The following SAP130 variants were observed in gnomAD, a reference collection of about 807,000 sequenced individuals.
SAP130 encodes Sin3A associated protein 130.
In SAP130, 16 loss-of-function variants were observed where a neutral mutation model predicts 103.2. The observed-to-expected ratio is 0.16, with a 90% CI of 0.10 to 0.24. SAP130 has a LOEUF of 0.24. Ranked by LOEUF, SAP130 falls within the 10% of genes least tolerant of loss-of-function variation. The pLI is 1.00. For synonymous variants in SAP130, 477 were observed against 497.0 expected (o/e 0.96, Z 0.53); for missense variants, 990 against 1,359.7 (o/e 0.73, Z 4.28).
At chr2:127,943,774 C>G (rs1287486491) in intron 19 of SAP130, among the ~76,000 whole-genome samples, 1 of 152,218 alleles carries the variant, frequency 6.6e-6, no homozygotes, top group Non-Finnish European at 1.5e-5. Flanking sequence ...AGGTCTAAGA[C>G]ATCACTGTAC....
chr2:128,005,645 T>C (rs979867852), intron 7 of SAP130, among the ~76,000 whole-genome samples: 1 of 151,224 alleles, frequency 6.6e-6, no homozygotes, highest in Admixed American at 6.6e-5. Flanking sequence ...ATATAGTTTT[T>C]CTTTCTTTTT....
chr2:127,982,394 T>G (rs776061395), intron 14 of SAP130, among the ~76,000 whole-genome samples: 1 of 152,148 alleles, frequency 6.6e-6, no homozygotes, highest in Non-Finnish European at 1.5e-5. Context: ...CCATAGAGCT[T>G]GTCTAGAGGA....
At position 127,996,631 on chromosome 2, in the gene SAP130, TAAGTACAAAGTTC is replaced by T; in HGVS notation, c.1214-153_1214-141del. Reference sequence around the variant, plus strand: ...TTTAATCAAAATAAAAAATGAAAAATAAGTACAAAGTTCAACAGAATTATTTCAATCCTATCAT... The same window carrying T: ...TTTAATCAAAATAAAAAATGAAAAATAACAGAATTATTTCAATCCTATCAT... On this transcript the variant is annotated intron_variant, in intron 10 of 20. Coordinates refer to ENST00000643581, the MANE Select transcript of SAP130 (RefSeq NM_001330301.2). This position sits in a 1 kb window ranked among gnomAD's most constrained non-coding sequence, Gnocchi z 4.3. The T allele has an allele frequency of 1.3e-6, 1 of 752,850 alleles. No individual in the cohort carries two copies. The highest frequency in any genetic ancestry group is 2.0e-6 in the Non-Finnish European group (1 of 510,750). 46.6% of individuals were successfully genotyped at this position (752,850 alleles called of 1,614,324 possible). A position where few individuals can be genotyped will look rare whatever the true frequency, so the allele number is the denominator to read the frequency against.
rs1166543664 is a variant in SAP130 at position 127,985,967 on chromosome 2, G to A, written c.1958+818C>T. On this transcript the variant is annotated intron_variant, in intron 14 of 20. Transcript: ENST00000643581. ...CCAGCAGGCCCCCGACCAGCAGAAC[G>A]ACGCAGTTTGGCCAGGGCAGTCAAG... is the stretch of plus-strand genomic sequence containing the variant. Among the ~76,000 whole-genome samples the A allele has an allele frequency of 3.9e-5, 6 of 152,166 alleles. No homozygotes were observed. The South Asian group carries it at 6.2e-4, about 16-fold the overall frequency.
chr2:127,948,467 G>C (rs1348681176), intron 18 of SAP130, among the ~76,000 whole-genome samples: 1 of 151,034 alleles, frequency 6.6e-6, no homozygotes, highest in East Asian at 2.0e-4. Context: ...AGCCTCCTGA[G>C]TAGCTGGGAT....
Position 127,989,570 on chromosome 2 carries a change from T to C in SAP130, c.1774A>G (p.Thr592Ala). The C allele has an allele frequency of 6.3e-7, 1 of 1,599,172 alleles. No homozygotes were observed. The highest frequency in any genetic ancestry group is 8.5e-7 in the Non-Finnish European group (1 of 1,170,872). Reference sequence around the variant, plus strand: ...TGCAAAAATTTAAAATTACCTGAAGTCTTTCCTTCAGGCTGAGGCTGCTGA... The same window carrying C: ...TGCAAAAATTTAAAATTACCTGAAGCCTTTCCTTCAGGCTGAGGCTGCTGA... ...GTQQPQPEGK[T>A]SAVVLADGAT... Residue 592 changes from threonine to alanine, a missense_variant, in exon 13 of 21, where the codon ACT (threonine) becomes GCT (alanine). This residue lies in a region of SAP130 where 349 missense variants were observed against 384.1 expected (regional missense o/e 0.91). Coordinates refer to ENST00000643581, the MANE Select transcript of SAP130 (RefSeq NM_001330301.2). The surrounding 1 kb of genome is among the most constrained non-coding windows in gnomAD (Gnocchi z 4.6).
intron 15 of SAP130, among the ~76,000 whole-genome samples, chr2:127,974,109 G>A (rs192989573): frequency 1.2e-3 from 180 of 152,284 alleles, no homozygotes; most frequent in Middle Eastern, 3.4e-3. Flanking sequence ...CATGAAGATA[G>A]TTAACGATTT....
chr2:128,008,656 C>A (rs1175000290), intron 7 of SAP130, among the ~76,000 whole-genome samples: 1 of 151,544 alleles, frequency 6.6e-6, no homozygotes, highest in Non-Finnish European at 1.5e-5. Context: ...CGGGCACGAG[C>A]CACTGCACCT....
At chr2:127,975,884 A>G (rs1477493500) in intron 15 of SAP130, among the ~76,000 whole-genome samples, 3 of 152,148 alleles carry the variant, frequency 2.0e-5, no homozygotes, top group African/African-American at 4.8e-5. Flanking sequence ...CGACACTGTC[A>G]CCCAGGCTGG....
chr2:127,944,433 A>AT (rs70985489), intron 19 of SAP130, among the ~76,000 whole-genome samples: 119,705 of 150,200 alleles, frequency 0.8, 48,594 homozygotes, highest in Middle Eastern at 0.88. Context: ...TGTCTCTACA[A>AT]TTTTTTTTTT....
At chr2:127,979,822 A>AAAAT (rs1387714403) in intron 14 of SAP130, among the ~76,000 whole-genome samples, 1 of 152,110 alleles carries the variant, frequency 6.6e-6, no homozygotes, top group Non-Finnish European at 1.5e-5. Flanking sequence ...CCAAGAGCTG[A>AAAAT]TAAGCTGAGA....
In SAP130 at chr2:127,964,648, CA is replaced by C. The variant is rs1033840966; in HGVS notation, c.2064-9305del. Among the ~76,000 whole-genome samples the C allele has an allele frequency of 2.4e-3, 364 of 149,702 alleles. 3 individuals carry two copies. Among genetic ancestry groups the C allele is most frequent in the African/African-American group, 7.7e-3 (314 of 40,860 alleles). ...TTAGGCTGAAAAACTAGAAAACAAA[CA>C]AAAAAAAATAAAGGAAACAATAAAT... On this transcript the variant is annotated intron_variant, in intron 15 of 20. Coordinates refer to ENST00000643581, the MANE Select transcript of SAP130 (RefSeq NM_001330301.2).
chr2:128,016,316 T>C, intron 4 of SAP130, 73 bp downstream of exon 4: 2 of 1,465,050 alleles, frequency 1.4e-6, no homozygotes, highest in Non-Finnish European at 9.4e-7. Flanking sequence ...AATGTACTGC[T>C]AGCATTCAAT....
At chr2:127,980,976 A>C (rs1016538431) in intron 14 of SAP130, among the ~76,000 whole-genome samples, 2 of 152,076 alleles carry the variant, frequency 1.3e-5, no homozygotes, top group Admixed American at 1.3e-4. Flanking sequence ...AGACTCACAC[A>C]AAAAAATGCA....
intron 19 of SAP130, among the ~76,000 whole-genome samples, chr2:127,943,362 G>C (rs1184914708): frequency 6.6e-6 from 1 of 152,222 alleles, no homozygotes; most frequent in Non-Finnish European, 1.5e-5. Flanking sequence ...GGATGGATAA[G>C]ATTAACAGCA....
intron 15 of SAP130, among the ~76,000 whole-genome samples, chr2:127,958,842 A>G (rs1267166978): frequency 6.6e-6 from 1 of 152,084 alleles, no homozygotes; most frequent in Non-Finnish European, 1.5e-5. Context: ...TATTTTTTGT[A>G]AAGGCGGGGT....
At chr2:127,944,021 T>C (rs1029055270) in intron 19 of SAP130, among the ~76,000 whole-genome samples, 2 of 152,220 alleles carry the variant, frequency 1.3e-5, no homozygotes, top group Non-Finnish European at 1.5e-5. Flanking sequence ...TGTATCTTTA[T>C]TCTATAAACT....
intron 15 of SAP130, among the ~76,000 whole-genome samples, chr2:127,965,212 G>A (rs1233243520): frequency 6.0e-5 from 9 of 151,086 alleles, no homozygotes; most frequent in African/African-American, 1.5e-4. Context: ...CAGGAGAATC[G>A]CTTGAACCTG....
intron 18 of SAP130, among the ~76,000 whole-genome samples, chr2:127,948,330 T>TC (rs1279661866): frequency 7.4e-6 from 1 of 135,618 alleles, no homozygotes; most frequent in Non-Finnish European, 1.6e-5. Flanking sequence ...TCCTGTGAGT[T>TC]TTTTTTTTTT....
Sources: allele counts gnomAD v4.1 joint callset (sites outside exome capture counted in the v4.1 genomes callset), GRCh38; gene constraint gnomAD v4.1.1; regional missense constraint gnomAD v4.1.1; non-coding constraint Gnocchi (gnomAD v3.1); transcripts MANE v1.5; gene names NCBI Gene and HGNC (gene_info 2026-07-23, HGNC 2026-07-21).